The following GPHN variants were observed in gnomAD, a reference collection of about 807,000 sequenced individuals.
The protein encoded by GPHN is gephyrin.
A neutral mutation model predicts 95.5 loss-of-function variants in GPHN; 17 were observed. That is an observed-to-expected ratio of 0.18 (90% confidence interval 0.12 to 0.27). GPHN has a LOEUF of 0.27. Ranked by LOEUF, GPHN falls within the 10% of genes least tolerant of loss-of-function variation. GPHN has a pLI of 1.00. For synonymous variants in GPHN, 320 were observed against 322.5 expected, an observed-to-expected ratio of 0.99 and a Z score of 0.08; for missense variants, 660 against 978.1, an observed-to-expected ratio of 0.67 and a Z score of 4.34.
In GPHN at chr14:66,684,691, A is replaced by C. The variant is rs557042013; in HGVS notation, c.143+3506A>C. 2.6e-5 allele frequency among the ~76,000 whole-genome samples: 4 copies of C among 152,230 alleles called. 1 individual carries two copies. Among genetic ancestry groups the C allele is most frequent in the African/African-American group, 9.6e-5 (4 of 41,568 alleles). Reference sequence around the variant, plus strand: ...CAGAGAGATGCCATGGGAGAAAAAAATTTTGAGAAAGTTATGAATCTCTAA... The same window carrying C: ...CAGAGAGATGCCATGGGAGAAAAAACTTTTGAGAAAGTTATGAATCTCTAA... On this transcript the variant is annotated intron_variant, in intron 2 of 22. Transcript: ENST00000478722.
At chr14:67,089,947 CATG>C (rs2077079846) in intron 12 of GPHN, among the ~76,000 whole-genome samples, 1 of 152,050 alleles carries the variant, frequency 6.6e-6, no homozygotes, top group South Asian at 2.1e-4. Flanking sequence ...CCATGTACAA[CATG>C]ATATTTTAAA....
the GPHN span, among the ~76,000 whole-genome samples, chr14:67,620,399 A>T: frequency 1.3e-5 from 2 of 152,104 alleles, no homozygotes; most frequent in Admixed American, 1.3e-4. Flanking sequence ...GAGAATGAGG[A>T]AGAGGATTCC....
intron 17 of GPHN, among the ~76,000 whole-genome samples, chr14:67,139,104 T>A (rs1327117503): frequency 6.6e-6 from 1 of 151,586 alleles, no homozygotes; most frequent in Non-Finnish European, 1.5e-5. Context: ...ACATTTGTAA[T>A]CCCAGATGCT....
chr14:67,082,303 G>T (rs904608739), intron 11 of GPHN, among the ~76,000 whole-genome samples: 3 of 152,064 alleles, frequency 2.0e-5, no homozygotes, highest in Non-Finnish European at 2.9e-5. Context: ...TTTCCTTGTA[G>T]AGGTATATAG....
At chr14:66,556,007 A>G (rs890850988) in intron 1 of GPHN, among the ~76,000 whole-genome samples, 3 of 152,188 alleles carry the variant, frequency 2.0e-5, no homozygotes, top group Admixed American at 6.5e-5. Flanking sequence ...CCTAGGCTAT[A>G]TGTTATAGCC....
the GPHN span, among the ~76,000 whole-genome samples, chr14:67,633,345 C>T: frequency 6.6e-6 from 1 of 151,956 alleles, no homozygotes; most frequent in Non-Finnish European, 1.5e-5. Context: ...GTTTAGATCC[C>T]TGTGGTGTCC....
At position 66,508,164 on chromosome 14, in the gene GPHN, G is replaced by C. The variant is rs1023796977; in HGVS notation, c.-364G>C. The C allele has an allele frequency of 4.3e-6, 2 of 466,614 alleles. No individual in the cohort carries two copies. The highest frequency in any genetic ancestry group is 3.9e-5 in the African/African-American group (2 of 50,666). The allele number at this position is 466,614 out of a possible 1,614,324, so 28.9% of individuals were successfully genotyped here. A position where few individuals can be genotyped will look rare whatever the true frequency, so the allele number is the denominator to read the frequency against. The stretch of plus-strand genomic sequence containing the variant: ...TGTGCTATCCTTTCCTCTCAGTCCT[G>C]CCATCTAGCTGCCTTGGGTCTCGCG... On this transcript the variant is annotated 5_prime_UTR_variant, in exon 1 of 23. Coordinates refer to ENST00000478722, the MANE Select transcript of GPHN (RefSeq NM_020806.5).
intron 1 of GPHN, among the ~76,000 whole-genome samples, chr14:66,516,782 G>A (rs2058263374): frequency 6.6e-6 from 1 of 152,176 alleles, no homozygotes; most frequent in Non-Finnish European, 1.5e-5. Flanking sequence ...ATGTGCACTT[G>A]AAATTAATAA....
the GPHN span, among the ~76,000 whole-genome samples, chr14:67,419,310 T>C: frequency 6.6e-6 from 1 of 152,152 alleles, no homozygotes. Flanking sequence ...TGCTCACCCC[T>C]GCGGAGCCCC....
intron 4 of GPHN, among the ~76,000 whole-genome samples, chr14:66,859,940 G>T (rs1423690206): frequency 6.6e-6 from 1 of 151,782 alleles, no homozygotes; most frequent in Non-Finnish European, 1.5e-5. Context: ...GAGGAGACAA[G>T]AAAATAAAAA....
At chr14:67,562,404 A>G in the GPHN span, 10 of 1,613,866 alleles carry the variant, frequency 6.2e-6, no homozygotes, top group Non-Finnish European at 3.4e-6. Flanking sequence ...CTTCAACCTC[A>G]TCTGGGAAGA....
chr14:67,029,604 T>A (rs539509158), intron 10 of GPHN, among the ~76,000 whole-genome samples: 1 of 152,352 alleles, frequency 6.6e-6, no homozygotes, highest in South Asian at 2.1e-4. Flanking sequence ...CCCAAAGTGC[T>A]GGGATTACAG....
At chr14:66,765,698 C>T (rs1445589294) in intron 2 of GPHN, among the ~76,000 whole-genome samples, 1 of 151,922 alleles carries the variant, frequency 6.6e-6, no homozygotes, top group African/African-American at 2.4e-5. Context: ...AATCTGTACA[C>T]CAAACTCCCA....
the GPHN span, among the ~76,000 whole-genome samples, chr14:67,308,814 A>G: frequency 6.6e-6 from 1 of 152,088 alleles, no homozygotes; most frequent in Admixed American, 6.6e-5. Flanking sequence ...TACTCTACTT[A>G]CTATCCCAAA....
chr14:66,664,937 A>G (rs533226398), intron 1 of GPHN, among the ~76,000 whole-genome samples: 17 of 150,860 alleles, frequency 1.1e-4, no homozygotes, highest in Non-Finnish European at 1.9e-4. Flanking sequence ...GAATCCCTGA[A>G]CAGACCAATA....
chr14:66,981,243 TCCTTGACACATTTGTATATTAATCA>T (rs1183565650), intron 9 of GPHN, among the ~76,000 whole-genome samples: 9 of 152,196 alleles, frequency 5.9e-5, no homozygotes, highest in African/African-American at 2.2e-4. Context: ...CAATTATTTT[TCCTTGACACATTTGTATATTAATCA>T]CCTCTCTTTC....
chr14:66,706,131 A>T (rs948049112), intron 2 of GPHN, among the ~76,000 whole-genome samples: 2 of 152,204 alleles, frequency 1.3e-5, no homozygotes, highest in African/African-American at 4.8e-5. Context: ...TTCAGGGAGA[A>T]CTACAAACCA....
At chr14:67,710,999 G>GC in the GPHN span, among the ~76,000 whole-genome samples, 1 of 152,028 alleles carries the variant, frequency 6.6e-6, no homozygotes, top group Non-Finnish European at 1.5e-5. Context: ...AACTTAACTG[G>GC]CCCCATCTTG....
intron 1 of GPHN, among the ~76,000 whole-genome samples, chr14:66,533,646 A>G (rs1410624362): frequency 2.0e-5 from 3 of 152,228 alleles, no homozygotes; most frequent in Non-Finnish European, 4.4e-5. Context: ...CTGGCTGTCA[A>G]GTTTCTCATC....
Sources: allele counts gnomAD v4.1 joint callset (sites outside exome capture counted in the v4.1 genomes callset), GRCh38; gene constraint gnomAD v4.1.1; transcripts MANE v1.5; gene names NCBI Gene and HGNC (gene_info 2026-07-23, HGNC 2026-07-21).